ERC1: variants seen among roughly 807,000 people sequenced by gnomAD.
ERC1 encodes ELKS/RAB6-interacting/CAST family member 1, also known as RAB6 interacting protein 2.
Under a neutral mutation model 132.0 loss-of-function variants are expected in ERC1, and 56 were observed. That is an observed-to-expected ratio of 0.42 (90% confidence interval 0.34 to 0.53). The LOEUF is 0.53. ERC1 is among the 20% of genes least tolerant of loss of function. ERC1 has a pLI of 0.03. For synonymous variants in ERC1, 478 were observed against 476.1 expected, an observed-to-expected ratio of 1.00 and a Z score of -0.05; for missense variants, 1,202 against 1,349.9, an observed-to-expected ratio of 0.89 and a Z score of 1.72.
At chr12:1,480,218 A>G (rs1314029250) in intron 18 of ERC1, among the ~76,000 whole-genome samples, 2 of 152,136 alleles carry the variant, frequency 1.3e-5, no homozygotes, top group Non-Finnish European at 2.9e-5. Flanking sequence ...TAAGTTATAG[A>G]AAGGGCTGGC....
chr12:1,410,608 C>T (rs1310276443), intron 17 of ERC1, among the ~76,000 whole-genome samples: 1 of 147,082 alleles, frequency 6.8e-6, no homozygotes, highest in African/African-American at 2.5e-5. Flanking sequence ...GTGTGTGTTG[C>T]TGTGCTGCTG....
At chr12:1,080,791 C>CT (rs747295649) in intron 2 of ERC1, among the ~76,000 whole-genome samples, 65 of 152,142 alleles carry the variant, frequency 4.3e-4, no homozygotes, top group Non-Finnish European at 8.5e-4. Flanking sequence ...AAACAAGTGC[C>CT]TTTTGCCTCA....
chr12:1,397,642 A>C (rs2090651621), intron 16 of ERC1, among the ~76,000 whole-genome samples: 3 of 152,224 alleles, frequency 2.0e-5, no homozygotes. Context: ...TAATTGCAAG[A>C]AGAAACAATT....
chr12:1,180,286 C>CGCGT (rs1555290037), intron 8 of ERC1, among the ~76,000 whole-genome samples: 166 of 125,816 alleles, frequency 1.3e-3, no homozygotes, highest in African/African-American at 7.8e-3. Context: ...TGTGTGTGCG[C>CGCGT]GCACGCGTGT....
chr12:1,315,077 TCTCA>T (rs1472437326), intron 15 of ERC1, among the ~76,000 whole-genome samples: 5 of 152,068 alleles, frequency 3.3e-5, no homozygotes, highest in Non-Finnish European at 7.4e-5. Flanking sequence ...GAGAATGGAG[TCTCA>T]CTCTCTCTGC....
chr12:1,242,037 G>C (rs755439927), intron 13 of ERC1, among the ~76,000 whole-genome samples: 39 of 151,048 alleles, frequency 2.6e-4, no homozygotes, highest in Admixed American at 6.6e-5. Flanking sequence ...AGTAGAGTCG[G>C]GGTTTCACCA....
chr12:1,482,048 G>A (rs2094103250), intron 18 of ERC1, among the ~76,000 whole-genome samples: 2 of 152,252 alleles, frequency 1.3e-5, no homozygotes, highest in South Asian at 2.1e-4. Context: ...TGTCTGAAAC[G>A]GAACACAGTG....
chr12:1,282,216 T>C (rs2078728083), intron 14 of ERC1, among the ~76,000 whole-genome samples: 2 of 152,182 alleles, frequency 1.3e-5, no homozygotes, highest in African/African-American at 4.8e-5. Flanking sequence ...GCTCAGTGTG[T>C]ACAGCAGGAT....
chr12:1,311,413 C>T (rs1273084773), intron 15 of ERC1, among the ~76,000 whole-genome samples: 1 of 152,102 alleles, frequency 6.6e-6, no homozygotes, highest in Non-Finnish European at 1.5e-5. Flanking sequence ...TGAGATCAGC[C>T]TTAGTTGATT....
intron 18 of ERC1, among the ~76,000 whole-genome samples, chr12:1,467,221 G>A (rs1410847590): frequency 6.6e-6 from 1 of 152,192 alleles, no homozygotes; most frequent in Non-Finnish European, 1.5e-5. Context: ...ATGGGATATT[G>A]GATAAGGCTC....
intron 12 of ERC1, among the ~76,000 whole-genome samples, chr12:1,193,019 A>C (rs1454097293): frequency 1.3e-5 from 2 of 152,214 alleles, no homozygotes; most frequent in African/African-American, 4.8e-5. Flanking sequence ...TCAGCAACCC[A>C]CTAAGTGCAA....
intron 15 of ERC1, among the ~76,000 whole-genome samples, chr12:1,302,177 A>G (rs1215194157): frequency 1.3e-5 from 2 of 152,234 alleles, no homozygotes; most frequent in South Asian, 2.1e-4. Context: ...TTATTTCTAG[A>G]ATGTAAGGTT....
intron 12 of ERC1, among the ~76,000 whole-genome samples, chr12:1,216,629 C>CG (rs1397218142): frequency 1.4e-4 from 5 of 34,564 alleles, no homozygotes; most frequent in South Asian, 8.4e-4. Flanking sequence ...GGGTGGGGGG[C>CG]GGGGGGAGTA....
At chr12:1,367,550 T>C (rs1437280698) in intron 15 of ERC1, among the ~76,000 whole-genome samples, 4 of 152,184 alleles carry the variant, frequency 2.6e-5, no homozygotes, top group African/African-American at 9.7e-5. Context: ...CGGTCTCTTA[T>C]TTACTAGCAA....
chr12:1,434,839 A>G (rs1163470976), intron 17 of ERC1, among the ~76,000 whole-genome samples: 1 of 152,206 alleles, frequency 6.6e-6, no homozygotes, highest in African/African-American at 2.4e-5. Flanking sequence ...GTCATAGTCA[A>G]TTGTATATTT....
chr12:1,468,608 AAGAC>A (rs571398151), intron 18 of ERC1, among the ~76,000 whole-genome samples: 162 of 152,180 alleles, frequency 1.1e-3, no homozygotes, highest in Middle Eastern at 6.8e-3. Context: ...TCAAAAAAGA[AAGAC>A]AGAAAAAGAG....
In ERC1 at chr12:1,230,650, G is replaced by T. The variant is rs1417913305; in HGVS notation, c.2352-6119G>T. 9.9e-5 allele frequency among the ~76,000 whole-genome samples: 15 copies of T among 152,214 alleles called. No homozygotes were observed. The South Asian group carries it at 3.1e-3, about 32-fold the overall frequency. On this transcript the variant is annotated intron_variant, in intron 12 of 18. Transcript: ENST00000360905. ...TGACAGACTGTTTGACCTATCCATT[G>T]TTAAAAGTGGGGTAGTAAAGTCCTC...
intron 12 of ERC1, among the ~76,000 whole-genome samples, chr12:1,226,658 A>G (rs906170093): frequency 1.3e-5 from 2 of 152,130 alleles, no homozygotes; most frequent in African/African-American, 4.8e-5. Flanking sequence ...AGGTTCATTC[A>G]TATCACAAGT....
chr12:1,121,825 GTCTCTATCTCTATCTATCTCTATCTCTA>G lies in ERC1; in HGVS notation c.1569+5808_1569+5835del, dbSNP rs1566014493. Among the ~76,000 whole-genome samples, 84 of 23,922 alleles carry G rather than the reference GTCTCTATCTCTATCTATCTCTATCTCTA, an allele frequency of 3.5e-3. 2 individuals carry two copies. The highest frequency in any genetic ancestry group is 4.9e-3 in the Admixed American group (12 of 2,430). 15.7% of individuals were successfully genotyped at this position (23,922 alleles called of 152,430 possible). Reference sequence around the variant, plus strand: ...TATCTCTATCTCTATCTCTATCTGTGTCTCTATCTCTATCTATCTCTATCTCTATCTCTATCTCTATCTCTATCTCTAT... The same window carrying G: ...TATCTCTATCTCTATCTCTATCTGTGTCTCTATCTCTATCTCTATCTCTAT... On this transcript the variant is annotated intron_variant, in intron 7 of 18. Transcript: ENST00000360905.
Sources: allele counts gnomAD v4.1 joint callset (sites outside exome capture counted in the v4.1 genomes callset), GRCh38; gene constraint gnomAD v4.1.1; transcripts MANE v1.5; gene names NCBI Gene and HGNC (gene_info 2026-07-23, HGNC 2026-07-21).